The following SHLD1 variants were observed in gnomAD, a reference collection of about 807,000 sequenced individuals.
SHLD1 encodes the protein shieldin complex subunit 1.
A neutral mutation model predicts 5.5 loss-of-function variants in SHLD1; 3 were observed. The observed-to-expected ratio is 0.54, with a 90% CI of 0.25 to 1.40. The LOEUF is 1.40. Ranked by LOEUF, SHLD1 falls within the 40% of genes most tolerant of loss-of-function variation. The pLI, the probability that SHLD1 is intolerant of heterozygous loss-of-function variation, is 0.15. For synonymous variants in SHLD1, 92 were observed against 94.3 expected (o/e 0.98, Z 0.14); for missense variants, 210 against 244.4 (o/e 0.86, Z 0.94).
chr20:5,760,215 A>G (rs977726605), intron 1 of SHLD1, among the ~76,000 whole-genome samples: 2 of 152,128 alleles, frequency 1.3e-5, no homozygotes, highest in African/African-American at 4.8e-5. Flanking sequence ...GGAAAGGTCT[A>G]GAGAGTGGGA....
chr20:5,861,103 A>C (rs1777350), intron 2 of SHLD1, among the ~76,000 whole-genome samples: 110,651 of 152,104 alleles, frequency 0.73, 40,407 homozygotes, highest in African/African-American at 0.79. Flanking sequence ...GAGGAGGAGA[A>C]CTGGAACCAG....
intron 2 of SHLD1, among the ~76,000 whole-genome samples, chr20:5,821,588 C>T (rs781099981): frequency 1.3e-5 from 2 of 152,022 alleles, no homozygotes; most frequent in Admixed American, 1.3e-4. Context: ...TAGTTATCAG[C>T]TGGGAGTAAT....
At chr20:5,803,599 G>A (rs1321601991) in intron 2 of SHLD1, among the ~76,000 whole-genome samples, 4 of 151,898 alleles carry the variant, frequency 2.6e-5, no homozygotes, top group African/African-American at 4.8e-5. Flanking sequence ...GGCCAGTCGC[G>A]GTGGCTCACA....
At position 5,863,290 on chromosome 20, in the gene SHLD1, C is replaced by T. The variant is rs944266178; in HGVS notation, c.445C>T (p.Arg149Trp). 1.5e-5 allele frequency: 25 copies of T among 1,614,068 alleles called. No homozygotes were observed. The East Asian group carries it at 2.0e-4, about 13-fold the overall frequency. The change falls in exon 3 of 3, where the codon CGG becomes TGG. Residue 149 changes from arginine (R) to tryptophan (W), a missense_variant. Arg to Trp is a moderately radical substitution (Grantham distance 101, BLOSUM62 -3). Coordinates refer to ENST00000303142, the MANE Select transcript of SHLD1 (RefSeq NM_152504.4). ...KYALRSFQMARVIFNRDGCSV... is the reference protein window; with the variant it reads ...KYALRSFQMAWVIFNRDGCSV... ...TGCCCTCCGCAGTTTTCAAATGGCC[C>T]GGGTGATCTTCAACCGGGACGGCTG... is the stretch of plus-strand genomic sequence containing the variant.
intron 2 of SHLD1, among the ~76,000 whole-genome samples, chr20:5,851,083 C>T (rs551447350): frequency 1.2e-4 from 19 of 152,290 alleles, no homozygotes; most frequent in African/African-American, 4.3e-4. Context: ...CATTGTAGCA[C>T]AGCACAAATC....
intron 2 of SHLD1, among the ~76,000 whole-genome samples, chr20:5,824,905 C>T (rs117247832): frequency 2.0e-5 from 3 of 152,110 alleles, no homozygotes; most frequent in Non-Finnish European, 2.9e-5. Context: ...TACGGTCACT[C>T]GAAGCTTCCT....
chr20:5,819,129 T>C (rs1340253138), intron 2 of SHLD1, among the ~76,000 whole-genome samples: 3 of 152,140 alleles, frequency 2.0e-5, no homozygotes, highest in Non-Finnish European at 4.4e-5. Context: ...CCCAAAGTGC[T>C]GGGATTACAA....
At chr20:5,862,164 C>A (rs1372526054) in intron 2 of SHLD1, among the ~76,000 whole-genome samples, 4 of 152,226 alleles carry the variant, frequency 2.6e-5, no homozygotes, top group Non-Finnish European at 5.9e-5. Flanking sequence ...GTTACAGCTT[C>A]AACACGTGAA....
In SHLD1 at chr20:5,773,508, G is replaced by C. The variant is rs1404617769; in HGVS notation, c.178+465G>C. On this transcript the variant is annotated intron_variant, in intron 2 of 2. Transcript: ENST00000303142. Reference sequence around the variant, plus strand: ...ACCTTTCTACAAGGTTTCCTGACTAGATTGCCGAAACATCTATTATTTAAA... The same window carrying C: ...ACCTTTCTACAAGGTTTCCTGACTACATTGCCGAAACATCTATTATTTAAA... 15 of 232,136 alleles carry C rather than the reference G, an allele frequency of 6.5e-5. No individual in the cohort carries two copies. In the East Asian group the frequency reaches 1.4e-3, roughly 22 times the overall value. 14.4% of individuals were successfully genotyped at this position (232,136 alleles called of 1,614,324 possible).
intron 1 of SHLD1, among the ~76,000 whole-genome samples, chr20:5,757,759 C>T (rs1350097075): frequency 3.9e-5 from 6 of 152,024 alleles, no homozygotes; most frequent in African/African-American, 1.4e-4. Context: ...CCCACCACCA[C>T]ACCTGGCTAA....
At chr20:5,785,134 C>T (rs548159869) in intron 2 of SHLD1, among the ~76,000 whole-genome samples, 1 of 152,178 alleles carries the variant, frequency 6.6e-6, no homozygotes, top group African/African-American at 2.4e-5. Context: ...GGCCATAAGA[C>T]CCCCATTTCA....
Position 5,806,399 on chromosome 20 carries a change from C to T in SHLD1, c.178+33356C>T, listed in dbSNP as rs527278061. Reference sequence around the variant, plus strand: ...TATCTCCCGTCCCTCTATCACTTACCCCATCCTTTGTGATGGTTTTGAAGC... The same window carrying T: ...TATCTCCCGTCCCTCTATCACTTACTCCATCCTTTGTGATGGTTTTGAAGC... On this transcript the variant is annotated intron_variant, in intron 2 of 2. Transcript: ENST00000303142. The surrounding 1 kb of genome is among the most constrained non-coding windows in gnomAD (Gnocchi z 7.6). 8.5e-5 allele frequency among the ~76,000 whole-genome samples: 13 copies of T among 152,264 alleles called. No homozygotes were observed. Among genetic ancestry groups the T allele is most frequent in the Admixed American group, 2.0e-4 (3 of 15,298 alleles).
chr20:5,814,942 T>C (rs910834942), intron 2 of SHLD1, among the ~76,000 whole-genome samples: 1 of 152,086 alleles, frequency 6.6e-6, no homozygotes, highest in African/African-American at 2.4e-5. Context: ...CATGAACCAC[T>C]GCGCCCGGCC....
At chr20:5,853,445 CAAAAAT>C (rs2088038458) in intron 2 of SHLD1, among the ~76,000 whole-genome samples, 1 of 151,996 alleles carries the variant, frequency 6.6e-6, no homozygotes, top group Admixed American at 6.6e-5. Flanking sequence ...GACTCCATCT[CAAAAAT>C]AAATAAATAA....
At chr20:5,794,446 C>G (rs2087183629) in intron 2 of SHLD1, among the ~76,000 whole-genome samples, 1 of 152,206 alleles carries the variant, frequency 6.6e-6, no homozygotes, top group Non-Finnish European at 1.5e-5. Flanking sequence ...GGACAGGCCC[C>G]TTACAGAGAA....
intron 2 of SHLD1, among the ~76,000 whole-genome samples, chr20:5,814,183 T>C (rs1412565107): frequency 1.3e-5 from 2 of 152,028 alleles, no homozygotes; most frequent in African/African-American, 4.8e-5. Context: ...CTTGAACTCC[T>C]GAGCTCAAGC....
intron 2 of SHLD1, among the ~76,000 whole-genome samples, chr20:5,857,034 T>C (rs996477597): frequency 5.9e-5 from 9 of 152,210 alleles, no homozygotes; most frequent in African/African-American, 2.2e-4. Flanking sequence ...CAGGCTGGAG[T>C]GCAGTGGTGC....
In SHLD1 at chr20:5,864,365, T is replaced by A. The variant is rs571789562; in HGVS notation, c.*902T>A. Among the ~76,000 whole-genome samples, 10 of 152,318 alleles carry A rather than the reference T, an allele frequency of 6.6e-5. No homozygotes were observed. The East Asian group carries it at 1.4e-3, about 21-fold the overall frequency. ...GATGCCACGTGGCCTTGTCAAGTTG[T>A]GTTTGAAGAGAATAAATAATCCTTT... On this transcript the variant is annotated 3_prime_UTR_variant, in exon 3 of 3. Transcript: ENST00000303142.
At chr20:5,774,655 G>T (rs1985344335) in intron 2 of SHLD1, among the ~76,000 whole-genome samples, 1 of 152,044 alleles carries the variant, frequency 6.6e-6, no homozygotes, top group African/African-American at 2.4e-5. Flanking sequence ...GAGGGGGAAG[G>T]TGCTACACAC....
Sources: allele counts gnomAD v4.1 joint callset (sites outside exome capture counted in the v4.1 genomes callset), GRCh38; gene constraint gnomAD v4.1.1; non-coding constraint Gnocchi (gnomAD v3.1); transcripts MANE v1.5; gene names NCBI Gene and HGNC (gene_info 2026-07-23, HGNC 2026-07-21).